The following STARD8 variants were observed in gnomAD, a reference collection of about 807,000 sequenced individuals.
STARD8 encodes the protein stAR-related lipid transfer protein 8.
STARD8 carries 25 observed loss-of-function variants against 69.4 expected under a neutral mutation model. The ratio of observed to expected loss-of-function variants is 0.36; its 90% CI spans 0.26 to 0.50. STARD8 has a LOEUF of 0.50. STARD8 is among the 20% of genes least tolerant of loss of function. STARD8 has a pLI of 0.96. For missense variants in STARD8, 921 were observed against 932.5 expected (o/e 0.99, Z 0.16); for synonymous variants, 389 against 374.6 (o/e 1.04, Z -0.45).
intron 1 of STARD8, 39 bp from the exon 2 acceptor site, chrX:68,665,460 C>T (rs1287564848): frequency 1.7e-6 from 2 of 1,188,128 alleles, no homozygotes; most frequent in East Asian, 3.0e-5. Flanking sequence ...GATATTGCAT[C>T]TCTGCAATGC....
chrX:68,712,421 G>T (rs2080058212), intron 2 of STARD8, among the ~76,000 whole-genome samples: 1 of 112,700 alleles, frequency 8.9e-6, no homozygotes. Flanking sequence ...ATGAGAGTTG[G>T]CTGTCAAAGT....
intron 2 of STARD8, among the ~76,000 whole-genome samples, chrX:68,711,060 G>A (rs2080046101): frequency 8.9e-6 from 1 of 111,742 alleles, no homozygotes; most frequent in African/African-American, 3.3e-5. Context: ...TGGAGCACAG[G>A]ATCCTTTTTC....
At chrX:68,651,185 G>A (rs142924814) in intron 1 of STARD8, among the ~76,000 whole-genome samples, 2,266 of 112,450 alleles carry the variant, frequency 0.02, 21 homozygotes, top group Middle Eastern at 0.041. Flanking sequence ...AAGCATGAGG[G>A]ACACACAGAG....
intron 2 of STARD8, among the ~76,000 whole-genome samples, chrX:68,668,052 C>CTTTCT (rs2079694900): frequency 6.3e-5 from 6 of 95,308 alleles, no homozygotes; most frequent in Admixed American, 1.2e-4. Context: ...CTTTCTCTCT[C>CTTTCT]TTTCTTTTCT....
chrX:68,716,548 C>A, intron 5 of STARD8, 117 bp downstream of exon 5: 1 of 685,299 alleles, frequency 1.5e-6, no homozygotes, highest in Non-Finnish European at 2.2e-6. Flanking sequence ...ATGTCCAGAG[C>A]AGTGCCTTTC....
Position 68,720,938 on chromosome X carries a change from C to T in STARD8, c.2064C>T (p.Arg688=), listed in dbSNP as rs780089751. The T allele has an allele frequency of 8.3e-6, 10 of 1,211,173 alleles. No individual in the cohort carries two copies. The South Asian group carries it at 1.4e-4, about 17-fold the overall frequency. ...GCATGGAGTAGGTAGGCATCTTCCGCAAGTCTGGGGTCAAGTCCAGGATCC... is the reference window on the plus strand; with the variant it reads ...GCATGGAGTAGGTAGGCATCTTCCGTAAGTCTGGGGTCAAGTCCAGGATCC... ...SQCLDQVGIF[R]KSGVKSRIQN... is the part of the protein sequence containing the mutation. The change falls in exon 9 of 15, where the codon CGC becomes CGT. Residue 688 remains arginine, a synonymous_variant. Transcript: ENST00000374599.
At chrX:68,714,180 G>T (rs189952462) in intron 3 of STARD8, among the ~76,000 whole-genome samples, 1 of 111,788 alleles carries the variant, frequency 8.9e-6, no homozygotes, top group East Asian at 2.8e-4. Flanking sequence ...TTGGCCATAG[G>T]TCTGACTGTC....
At chrX:68,712,774 G>A in intron 2 of STARD8, 140 bp from the exon 3 acceptor site, 1 of 553,988 alleles carries the variant, frequency 1.8e-6, no homozygotes, top group Non-Finnish European at 3.0e-6. Flanking sequence ...TAGGACCTCT[G>A]GCCTTCTCTT....
chrX:68,684,398 G>A (rs1395272255), intron 2 of STARD8, among the ~76,000 whole-genome samples: 3 of 112,983 alleles, frequency 2.7e-5, no homozygotes, highest in Non-Finnish European at 3.7e-5. Context: ...TGGACAGGGC[G>A]GGAGATGCCT....
intron 2 of STARD8, among the ~76,000 whole-genome samples, chrX:68,679,898 C>A (rs1241431694): frequency 8.9e-6 from 1 of 111,812 alleles, no homozygotes; most frequent in African/African-American, 3.3e-5. Context: ...AGCTTGACTT[C>A]CAACCCATTG....
At chrX:68,659,089 C>CCTCTT (rs756809342) in intron 1 of STARD8, among the ~76,000 whole-genome samples, 1 of 111,977 alleles carries the variant, frequency 8.9e-6, no homozygotes, top group Non-Finnish European at 1.9e-5. Flanking sequence ...GGTTCTGCCT[C>CCTCTT]CTCTTCTCTT....
rs201149959 is a variant in STARD8 at position 68,717,359 on chromosome X, G to A, written c.445G>A (p.Val149Ile). The A allele has an allele frequency of 3.7e-5, 44 of 1,205,033 alleles. No homozygotes were observed. The highest frequency in any genetic ancestry group is 8.9e-5 in the South Asian group (5 of 56,051). Residue 149 changes from valine to isoleucine, a missense_variant, in exon 6 of 15, where the codon GTC becomes ATC. By Grantham distance (29) the Val-to-Ile change is conservative. Coordinates refer to ENST00000374599, the MANE Select transcript of STARD8 (RefSeq NM_001142503.3). ...GCCAGCGACCTCAAGCTGTGAGAGC[G>A]TCCTCACCGAGCTTAGTGCCACCTC... ...GLPATSSCES[V>I]LTELSATSLP...
chrX:68,719,080 C>A, intron 6 of STARD8, 145 bp from the exon 7 acceptor site: 6 of 735,919 alleles, frequency 8.2e-6, no homozygotes, highest in Non-Finnish European at 1.1e-5. Flanking sequence ...CACCCTGGGG[C>A]CTCAGCAGCA....
At chrX:68,720,642 C>A (rs1441019823) in intron 8 of STARD8, among the ~76,000 whole-genome samples, 1 of 113,095 alleles carries the variant, frequency 8.8e-6, no homozygotes, top group Non-Finnish European at 1.9e-5. Context: ...TCTTTCTGGC[C>A]CAGGCTCTGT....
At position 68,725,766 on chromosome X, in the gene STARD8, A is replaced by C. The variant is rs953655670; in HGVS notation, c.*1344A>C. ...CTGGAAGGCCTGAGGGGCACTTCAG[A>C]TGAGAATGGAGAGGTAGGGAGCCAG... On this transcript the variant is annotated 3_prime_UTR_variant, in exon 15 of 15. Transcript: ENST00000374599. 2 of 109,196 alleles carry C rather than the reference A, an allele frequency of 1.8e-5. No individual in the cohort carries two copies. The highest frequency in any genetic ancestry group is 6.7e-5 in the African/African-American group (2 of 29,833). 9.0% of individuals were successfully genotyped at this position (109,196 alleles called of 1,213,427 possible). A position where few individuals can be genotyped will look rare whatever the true frequency, so the allele number is the denominator to read the frequency against.
chrX:68,681,367 G>GA (rs763787785), intron 2 of STARD8, among the ~76,000 whole-genome samples: 6 of 110,142 alleles, frequency 5.4e-5, no homozygotes, highest in South Asian at 7.8e-4. Flanking sequence ...TTACAGGGCA[G>GA]AAAAAAAAAT....
chrX:68,713,456 C>G (rs770530894), intron 3 of STARD8, among the ~76,000 whole-genome samples: 144 of 111,834 alleles, frequency 1.3e-3, no homozygotes, highest in African/African-American at 4.7e-3. Flanking sequence ...CCTACTGCAC[C>G]CTGGCTTCAC....
intron 3 of STARD8, among the ~76,000 whole-genome samples, chrX:68,713,817 T>C (rs2080070817): frequency 9.0e-6 from 1 of 111,630 alleles, no homozygotes; most frequent in Non-Finnish European, 1.9e-5. Flanking sequence ...ATCCCCAAGC[T>C]CCAGATTCAT....
At position 68,709,759 on chromosome X, in the gene STARD8, C is replaced by A. The variant is rs142462377; in HGVS notation, c.80-3155C>A. 4.9e-3 allele frequency among the ~76,000 whole-genome samples: 541 copies of A among 110,337 alleles called. 5 individuals are homozygous for A. The highest frequency in any genetic ancestry group is 0.017 in the African/African-American group (510 of 30,289). On this transcript the variant is annotated intron_variant, in intron 2 of 14. Transcript: ENST00000374599. ...GATCACACAAACCCAGGAGTTTGAGCCTGCAGTGAGCTGTGATAGCGCCAC... is the reference window on the plus strand; with the variant it reads ...GATCACACAAACCCAGGAGTTTGAGACTGCAGTGAGCTGTGATAGCGCCAC...
Sources: allele counts gnomAD v4.1 joint callset (sites outside exome capture counted in the v4.1 genomes callset), GRCh38; gene constraint gnomAD v4.1.1; transcripts MANE v1.5; gene names NCBI Gene and HGNC (gene_info 2026-07-23, HGNC 2026-07-21).